NEGR1: variants seen among roughly 807,000 people sequenced by gnomAD.
NEGR1 encodes IgLON family member 4.
In NEGR1, 10 loss-of-function variants were observed where a neutral mutation model predicts 40.9. That is an observed-to-expected ratio of 0.24 (90% confidence interval 0.15 to 0.42). NEGR1 has a LOEUF of 0.42. NEGR1 is among the 10% of genes least tolerant of loss of function. The pLI is 1.00. For missense variants in NEGR1, 352 were observed against 438.9 expected, an observed-to-expected ratio of 0.80 and a Z score of 1.77; for synonymous variants, 185 against 166.8, an observed-to-expected ratio of 1.11 and a Z score of -0.84.
chr1:72,119,922 A>T (rs1382961683), intron 1 of NEGR1, among the ~76,000 whole-genome samples: 1 of 152,038 alleles, frequency 6.6e-6, no homozygotes, highest in Non-Finnish European at 1.5e-5. Context: ...ATGCTGGAAG[A>T]GACAAGCTTC....
intron 1 of NEGR1, among the ~76,000 whole-genome samples, chr1:72,161,877 G>A (rs999798576): frequency 6.6e-6 from 1 of 151,100 alleles, no homozygotes; most frequent in Non-Finnish European, 1.5e-5. Context: ...TTTTAATGGA[G>A]ATGGGTTTTC....
chr1:71,730,552 G>A (rs1489893930), intron 3 of NEGR1, among the ~76,000 whole-genome samples: 3 of 128,550 alleles, frequency 2.3e-5, no homozygotes, highest in East Asian at 2.5e-4. Flanking sequence ...AATTATATGT[G>A]TATATATAGT....
At chr1:71,529,005 C>T (rs1403184695) in intron 6 of NEGR1, among the ~76,000 whole-genome samples, 1 of 143,994 alleles carries the variant, frequency 6.9e-6, no homozygotes, top group Non-Finnish European at 1.5e-5. Context: ...AAAACTACTT[C>T]TCCATTTGTC....
intron 3 of NEGR1, among the ~76,000 whole-genome samples, chr1:71,708,542 A>G (rs996591036): frequency 7.2e-5 from 11 of 152,182 alleles, no homozygotes; most frequent in Non-Finnish European, 1.3e-4. Flanking sequence ...AGAATAGCCA[A>G]AGTTAGCCTA....
At chr1:72,038,566 A>T (rs1056417843) in intron 1 of NEGR1, among the ~76,000 whole-genome samples, 4 of 151,998 alleles carry the variant, frequency 2.6e-5, no homozygotes, top group African/African-American at 9.7e-5. Flanking sequence ...TTTGCAAATG[A>T]TTTCTGTTCT....
intron 1 of NEGR1, among the ~76,000 whole-genome samples, chr1:72,056,305 G>A (rs1647109749): frequency 1.3e-5 from 2 of 151,334 alleles, no homozygotes; most frequent in Admixed American, 1.3e-4. Flanking sequence ...CATCACAAAT[G>A]AGGAATGAAA....
intron 1 of NEGR1, among the ~76,000 whole-genome samples, chr1:72,250,641 T>G (rs1260285204): frequency 2.6e-5 from 4 of 152,196 alleles, no homozygotes; most frequent in Admixed American, 2.6e-4. Flanking sequence ...CTGTAATATC[T>G]TCATACATTA....
At chr1:71,835,251 T>C (rs959144662) in intron 2 of NEGR1, among the ~76,000 whole-genome samples, 4 of 152,096 alleles carry the variant, frequency 2.6e-5, no homozygotes, top group African/African-American at 9.7e-5. Flanking sequence ...TTCTGCCACG[T>C]TCTATTGGTG....
intron 6 of NEGR1, among the ~76,000 whole-genome samples, chr1:71,531,968 T>C (rs1222983878): frequency 6.6e-6 from 1 of 151,384 alleles, no homozygotes; most frequent in Non-Finnish European, 1.5e-5. Context: ...AATCCTGTTT[T>C]AGACTAAAAT....
intron 4 of NEGR1, among the ~76,000 whole-genome samples, chr1:71,672,023 C>T (rs935745688): frequency 6.6e-6 from 1 of 151,672 alleles, no homozygotes; most frequent in South Asian, 2.1e-4. Flanking sequence ...TGTGAGCCTT[C>T]ACACCCAGCC....
intron 1 of NEGR1, among the ~76,000 whole-genome samples, chr1:72,080,232 A>G (rs1647937689): frequency 6.6e-6 from 1 of 152,250 alleles, no homozygotes; most frequent in East Asian, 1.9e-4. Flanking sequence ...TAAATATTTC[A>G]TATCATGTCA....
intron 1 of NEGR1, among the ~76,000 whole-genome samples, chr1:72,203,654 G>A (rs1653293101): frequency 6.6e-6 from 1 of 152,110 alleles, no homozygotes; most frequent in Non-Finnish European, 1.5e-5. Context: ...AAATGCTAGT[G>A]TGGGTAAAAT....
chr1:71,409,752 A>G (rs545693672), intron 6 of NEGR1, among the ~76,000 whole-genome samples: 51 of 152,058 alleles, frequency 3.4e-4, no homozygotes, highest in Non-Finnish European at 5.3e-4. Flanking sequence ...TATATAGTAG[A>G]TGCTCAAGAA....
At chr1:71,409,481 G>A (rs1321432097) in intron 6 of NEGR1, among the ~76,000 whole-genome samples, 1 of 151,974 alleles carries the variant, frequency 6.6e-6, no homozygotes, top group East Asian at 1.9e-4. Flanking sequence ...AGATTATCAA[G>A]TCCCCTCAAA....
chr1:71,738,686 G>A, intron 3 of NEGR1, among the ~76,000 whole-genome samples: 1 of 151,996 alleles, frequency 6.6e-6, no homozygotes, highest in Non-Finnish European at 1.5e-5. Flanking sequence ...GGCTCTGGCG[G>A]GGAGCCAGGA....
chr1:72,217,236 T>C (rs577228524), intron 1 of NEGR1, among the ~76,000 whole-genome samples: 9 of 151,954 alleles, frequency 5.9e-5, no homozygotes, highest in Non-Finnish European at 1.2e-4. Flanking sequence ...GAATAAATTG[T>C]TAGGTGAAAT....
chr1:72,017,296 A>G (rs1646720436), intron 1 of NEGR1, among the ~76,000 whole-genome samples: 1 of 152,112 alleles, frequency 6.6e-6, no homozygotes, highest in South Asian at 2.1e-4. Flanking sequence ...GTTTAAGAGT[A>G]GGCGCTAGAT....
intron 4 of NEGR1, among the ~76,000 whole-genome samples, chr1:71,618,393 G>A (rs1650509742): frequency 6.6e-6 from 1 of 152,072 alleles, no homozygotes; most frequent in Non-Finnish European, 1.5e-5. Flanking sequence ...TCTGGATTAA[G>A]GTCAAGACAG....
At chr1:72,273,674 T>A (rs895760613) in intron 1 of NEGR1, among the ~76,000 whole-genome samples, 2 of 151,996 alleles carry the variant, frequency 1.3e-5, no homozygotes, top group African/African-American at 4.8e-5. Context: ...TATATTTTAG[T>A]ACATTTTATT....
Sources: gnomAD v4.1 joint callset for allele counts (sites outside exome capture counted in the v4.1 genomes callset) on GRCh38, gnomAD v4.1.1 for gene constraint, MANE v1.5 for transcripts, NCBI Gene and HGNC (gene_info 2026-07-23, HGNC 2026-07-21) for gene names.